The following GPHN variants were observed in gnomAD, a reference collection of about 807,000 sequenced individuals.
GPHN encodes the protein gephyrin.
Under a neutral mutation model 95.5 loss-of-function variants are expected in GPHN, and 17 were observed. The observed-to-expected ratio is 0.18, with a 90% CI of 0.12 to 0.27. GPHN has a LOEUF of 0.27. Among genes scored for constraint, GPHN ranks in the 10% least tolerant of loss-of-function variants. The pLI, the probability that GPHN is intolerant of heterozygous loss-of-function variation, is 1.00. For synonymous variants in GPHN, 320 were observed against 322.5 expected (o/e 0.99, Z 0.08); for missense variants, 660 against 978.1 (o/e 0.67, Z 4.34).
At chr14:66,729,907 C>G (rs2071614782) in intron 2 of GPHN, among the ~76,000 whole-genome samples, 2 of 152,156 alleles carry the variant, frequency 1.3e-5, no homozygotes, top group South Asian at 4.1e-4. Flanking sequence ...TACACTAGTT[C>G]TGATCTGATC....
At chr14:66,857,503 G>A (rs1478052030) in intron 4 of GPHN, among the ~76,000 whole-genome samples, 1 of 152,184 alleles carries the variant, frequency 6.6e-6, no homozygotes, top group African/African-American at 2.4e-5. Context: ...GAATAAAACA[G>A]ACAATAGAAC....
At chr14:67,577,587 G>C in the GPHN span, among the ~76,000 whole-genome samples, 1 of 152,190 alleles carries the variant, frequency 6.6e-6, no homozygotes, top group East Asian at 1.9e-4. Context: ...CACTGGGAGG[G>C]AAGCAGCTCT....
chr14:66,908,536 C>A (rs1187152339), intron 5 of GPHN, among the ~76,000 whole-genome samples: 2 of 151,974 alleles, frequency 1.3e-5, no homozygotes, highest in Non-Finnish European at 2.9e-5. Context: ...TATAGATGCT[C>A]CACCCTCAAG....
the GPHN span, chr14:67,559,695 G>A: frequency 4.4e-6 from 7 of 1,593,790 alleles, no homozygotes; most frequent in Non-Finnish European, 6.0e-6. Context: ...GGCAAAGGTG[G>A]GTTGGAAACT....
chr14:67,690,945 G>C, the GPHN span: 1 of 582,426 alleles, frequency 1.7e-6, no homozygotes, highest in South Asian at 2.3e-5. Context: ...CTAAATCACA[G>C]ATTAAAAAGC....
chr14:66,611,424 G>C (rs1166114244), intron 1 of GPHN, among the ~76,000 whole-genome samples: 3 of 152,080 alleles, frequency 2.0e-5, no homozygotes, highest in African/African-American at 7.2e-5. Context: ...AGACAAAAAA[G>C]CATAGAAAAT....
intron 2 of GPHN, among the ~76,000 whole-genome samples, chr14:66,683,786 G>A (rs1450639325): frequency 1.3e-5 from 2 of 151,480 alleles, no homozygotes; most frequent in African/African-American, 2.4e-5. Flanking sequence ...GACCATCCTG[G>A]CTAACACGGT....
At chr14:67,256,860 T>C in the GPHN span, among the ~76,000 whole-genome samples, 1 of 151,772 alleles carries the variant, frequency 6.6e-6, no homozygotes, top group African/African-American at 2.4e-5. Flanking sequence ...TTTGAATGTA[T>C]ACATTAAAAA....
chr14:67,355,064 G>A, the GPHN span, among the ~76,000 whole-genome samples: 1 of 151,914 alleles, frequency 6.6e-6, no homozygotes. Flanking sequence ...CGCCCACCTC[G>A]GCCTCACAAA....
At chr14:67,138,389 A>C (rs1233126003) in intron 17 of GPHN, among the ~76,000 whole-genome samples, 1 of 152,202 alleles carries the variant, frequency 6.6e-6, no homozygotes, top group African/African-American at 2.4e-5. Flanking sequence ...ATCATTGAGA[A>C]AATTAATATA....
chr14:67,267,658 T>C, the GPHN span, among the ~76,000 whole-genome samples: 3 of 152,262 alleles, frequency 2.0e-5, no homozygotes, highest in African/African-American at 7.2e-5. Flanking sequence ...GTTTAAGTTT[T>C]AGTAAATTTA....
At chr14:67,667,711 G>A in the GPHN span, among the ~76,000 whole-genome samples, 11 of 152,134 alleles carry the variant, frequency 7.2e-5, no homozygotes, top group African/African-American at 1.2e-4. Context: ...TTGGGAGGCC[G>A]AGGCGGGCGG....
At chr14:67,330,552 G>A in the GPHN span, among the ~76,000 whole-genome samples, 5 of 148,802 alleles carry the variant, frequency 3.4e-5, no homozygotes, top group Non-Finnish European at 7.4e-5. Context: ...TCTGCCTCCC[G>A]GGTTCAAGCA....
At chr14:66,795,467 TC>T (rs2060121809) in intron 3 of GPHN, among the ~76,000 whole-genome samples, 1 of 152,170 alleles carries the variant, frequency 6.6e-6, no homozygotes, top group Non-Finnish European at 1.5e-5. Context: ...CCCACTGGTT[TC>T]CTTTTTCTCT....
At chr14:67,283,016 A>C in the GPHN span, among the ~76,000 whole-genome samples, 2 of 152,112 alleles carry the variant, frequency 1.3e-5, no homozygotes, top group Non-Finnish European at 2.9e-5. Flanking sequence ...GTGACTATAA[A>C]ATTGTTGTCT....
At chr14:67,492,217 A>AC in the GPHN span, among the ~76,000 whole-genome samples, 1 of 149,414 alleles carries the variant, frequency 6.7e-6, no homozygotes, top group Non-Finnish European at 1.5e-5. Flanking sequence ...TCCCATTCCC[A>AC]CCCCCGGCAA....
At chr14:67,459,939 T>G in the GPHN span, among the ~76,000 whole-genome samples, 1 of 152,142 alleles carries the variant, frequency 6.6e-6, no homozygotes, top group Non-Finnish European at 1.5e-5. Context: ...AACATGCAAA[T>G]AGCCAGCAGT....
chr14:67,022,707 G>A (rs1198642482), intron 9 of GPHN, among the ~76,000 whole-genome samples: 1 of 149,514 alleles, frequency 6.7e-6, no homozygotes, highest in Non-Finnish European at 1.5e-5. Flanking sequence ...ACCCTAAGTT[G>A]CAACATTCCT....
chr14:67,364,827 G>A, the GPHN span: 2 of 1,614,010 alleles, frequency 1.2e-6, no homozygotes, highest in South Asian at 2.2e-5. Flanking sequence ...AAGATGTAGT[G>A]ATGGTGAATG....
Sources: allele counts gnomAD v4.1 joint callset (sites outside exome capture counted in the v4.1 genomes callset), GRCh38; gene constraint gnomAD v4.1.1; transcripts MANE v1.5; gene names NCBI Gene and HGNC (gene_info 2026-07-23, HGNC 2026-07-21).